SNX29: variants seen among roughly 807,000 people sequenced by gnomAD.
The protein encoded by SNX29 is sorting nexin-29.
In SNX29, 78 loss-of-function variants were observed where a neutral mutation model predicts 102.1. That is an observed-to-expected ratio of 0.76 (90% CI 0.64 to 0.92). The LOEUF (loss-of-function observed/expected upper bound fraction) is 0.92. Among genes scored for constraint, SNX29 ranks in the 40% least tolerant of loss-of-function variants. The probability of loss-of-function intolerance (pLI) is 0.00; values close to 1 mark genes in which losing one functional copy is unlikely to be tolerated. For missense variants in SNX29, 1,280 were observed against 1,061.7 expected (o/e 1.21, Z -2.86); for synonymous variants, 580 against 414.5 (o/e 1.40, Z -4.85).
At chr16:12,442,416 T>C (rs1316403571) in intron 18 of SNX29, among the ~76,000 whole-genome samples, 2 of 152,192 alleles carry the variant, frequency 1.3e-5, no homozygotes, top group South Asian at 2.1e-4. Flanking sequence ...CTTTTATCTT[T>C]TGTGCAATCT....
At chr16:12,453,609 G>A (rs1041676046) in intron 18 of SNX29, among the ~76,000 whole-genome samples, 18 of 151,816 alleles carry the variant, frequency 1.2e-4, no homozygotes, top group Non-Finnish European at 2.4e-4. Context: ...TTGAACTCCT[G>A]GTCTCAAGCA....
chr16:12,410,542 G>T (rs554239379), intron 18 of SNX29, among the ~76,000 whole-genome samples: 73 of 151,164 alleles, frequency 4.8e-4, no homozygotes, highest in African/African-American at 1.6e-3. Context: ...GAATTTCCAG[G>T]TCAAGCAATC....
chr16:12,560,262 G>A (rs753870757), intron 20 of SNX29, among the ~76,000 whole-genome samples: 2 of 151,856 alleles, frequency 1.3e-5, no homozygotes. Context: ...AAAATATCAG[G>A]AACACAGCAG....
At chr16:11,988,103 G>A (rs2055701669) in intron 1 of SNX29, among the ~76,000 whole-genome samples, 2 of 152,192 alleles carry the variant, frequency 1.3e-5, no homozygotes, top group Admixed American at 6.5e-5. Flanking sequence ...AGACCAGCCT[G>A]AACAACATGG....
intron 13 of SNX29, among the ~76,000 whole-genome samples, chr16:12,183,869 A>G (rs2076450118): frequency 6.6e-6 from 1 of 152,204 alleles, no homozygotes; most frequent in South Asian, 2.1e-4. Flanking sequence ...AGTCATCATC[A>G]CTGCTATGTG....
At chr16:12,386,831 G>T (rs1379013274) in intron 16 of SNX29, among the ~76,000 whole-genome samples, 1 of 152,160 alleles carries the variant, frequency 6.6e-6, no homozygotes, top group East Asian at 1.9e-4. Context: ...AAATAAGAGA[G>T]AGCCACACCT....
At chr16:11,997,101 C>T (rs985822803) in intron 1 of SNX29, among the ~76,000 whole-genome samples, 3 of 152,134 alleles carry the variant, frequency 2.0e-5, no homozygotes, top group Admixed American at 6.6e-5. Context: ...AACAGTCTAA[C>T]CCCTTTATCA....
At chr16:12,208,682 T>C (rs2077107350) in intron 14 of SNX29, among the ~76,000 whole-genome samples, 2 of 150,532 alleles carry the variant, frequency 1.3e-5, no homozygotes, top group South Asian at 2.1e-4. Flanking sequence ...TGCAAACAGT[T>C]AAAAAAAAAT....
At chr16:12,212,120 G>A (rs2077201438) in intron 14 of SNX29, among the ~76,000 whole-genome samples, 1 of 152,002 alleles carries the variant, frequency 6.6e-6, no homozygotes, top group Non-Finnish European at 1.5e-5. Context: ...GGTGTGTGAC[G>A]AGCTAGCCCA....
chr16:11,989,668 C>G (rs555814115), intron 1 of SNX29, among the ~76,000 whole-genome samples: 1 of 152,366 alleles, frequency 6.6e-6, no homozygotes, highest in Non-Finnish European at 1.5e-5. Flanking sequence ...CTAGATTCAA[C>G]AACTGTTGAG....
intron 13 of SNX29, among the ~76,000 whole-genome samples, chr16:12,137,558 G>C (rs1234361640): frequency 1.3e-5 from 2 of 152,204 alleles, no homozygotes; most frequent in Non-Finnish European, 2.9e-5. Flanking sequence ...TGGGAGCCCT[G>C]CTCAGATCAT....
chr16:12,550,118 A>G (rs1390003103), intron 20 of SNX29, among the ~76,000 whole-genome samples: 1 of 152,244 alleles, frequency 6.6e-6, no homozygotes, highest in African/African-American at 2.4e-5. Flanking sequence ...AGGCTGATGT[A>G]CACTCACATG....
intron 14 of SNX29, among the ~76,000 whole-genome samples, chr16:12,226,654 A>G (rs1437026624): frequency 6.6e-6 from 1 of 150,466 alleles, no homozygotes; most frequent in Admixed American, 6.7e-5. Context: ...GCTCACTGCA[A>G]CCTCTGCCTC....
intron 15 of SNX29, among the ~76,000 whole-genome samples, chr16:12,308,537 T>A (rs929420021): frequency 4.6e-5 from 7 of 152,228 alleles, no homozygotes; most frequent in Admixed American, 4.6e-4. Context: ...CATCCCTCCT[T>A]CATGTTTGTC....
intron 18 of SNX29, among the ~76,000 whole-genome samples, chr16:12,473,106 TAACA>T (rs943679656): frequency 6.6e-6 from 1 of 152,106 alleles, no homozygotes. Flanking sequence ...GCTTTTAAAA[TAACA>T]AACAAAACAA....
chr16:11,984,775 G>A (rs1269277274), intron 1 of SNX29, among the ~76,000 whole-genome samples: 2 of 152,026 alleles, frequency 1.3e-5, no homozygotes, highest in African/African-American at 2.4e-5. Context: ...TCCCACCTCA[G>A]CCTCCTGAGT....
At chr16:12,454,253 G>A (rs2086435240) in intron 18 of SNX29, among the ~76,000 whole-genome samples, 1 of 152,182 alleles carries the variant, frequency 6.6e-6, no homozygotes, top group East Asian at 1.9e-4. Context: ...CAACTCTGCA[G>A]CTAAGATCGC....
chr16:12,431,118 C>T (rs1597356854), intron 18 of SNX29, among the ~76,000 whole-genome samples: 1 of 152,186 alleles, frequency 6.6e-6, no homozygotes, highest in African/African-American at 2.4e-5. Context: ...TCCCAAAGTG[C>T]TGGGATTACA....
chr16:12,413,993 A>G (rs1007315677), intron 18 of SNX29, among the ~76,000 whole-genome samples: 1 of 152,232 alleles, frequency 6.6e-6, no homozygotes, highest in Non-Finnish European at 1.5e-5. Context: ...ACCTAAGTGC[A>G]TCCTCCTGTA....
Sources: allele counts gnomAD v4.1 joint callset (sites outside exome capture counted in the v4.1 genomes callset), GRCh38; gene constraint gnomAD v4.1.1; transcripts MANE v1.5; gene names NCBI Gene and HGNC (gene_info 2026-07-23, HGNC 2026-07-21).